Variants in WWOX observed in about 807,000 individuals in gnomAD.
WWOX encodes WW domain-containing oxidoreductase.
Under a neutral mutation model 46.2 loss-of-function variants are expected in WWOX, and 69 were observed. The ratio of observed to expected loss-of-function variants is 1.49; its 90% CI spans 1.23 to 1.82. The LOEUF (loss-of-function observed/expected upper bound fraction) is 1.82, where lower values mean the gene tolerates loss of function less well. WWOX is among the 40% of genes most tolerant of loss of function. The pLI is 0.00. For synonymous variants in WWOX, 359 were observed against 202.6 expected (o/e 1.77, Z -6.56); for missense variants, 919 against 542.6 (o/e 1.69, Z -6.89).
chr16:78,738,944 C>A (rs1248311914), intron 8 of WWOX, among the ~76,000 whole-genome samples: 1 of 152,146 alleles, frequency 6.6e-6, no homozygotes, highest in African/African-American at 2.4e-5. Context: ...CCCCTAAATG[C>A]AACTTCTCAT....
At chr16:78,844,243 G>A (rs2052238500) in intron 8 of WWOX, among the ~76,000 whole-genome samples, 1 of 152,108 alleles carries the variant, frequency 6.6e-6, no homozygotes, top group Non-Finnish European at 1.5e-5. Context: ...GCCCAAGAGA[G>A]GCCCTCTAAA....
chr16:78,740,603 C>T (rs559048978), intron 8 of WWOX, among the ~76,000 whole-genome samples: 2 of 152,204 alleles, frequency 1.3e-5, no homozygotes, highest in Admixed American at 6.5e-5. Flanking sequence ...AGGCATGGGG[C>T]GCCGTTTCAT....
intron 8 of WWOX, among the ~76,000 whole-genome samples, chr16:78,775,035 A>T (rs1010121271): frequency 1.4e-4 from 22 of 152,286 alleles, no homozygotes; most frequent in African/African-American, 5.1e-4. Context: ...GAGACATCAC[A>T]GCCCTCACTC....
At chr16:78,865,293 C>A (rs528665259) in intron 8 of WWOX, among the ~76,000 whole-genome samples, 1 of 152,004 alleles carries the variant, frequency 6.6e-6, no homozygotes, top group South Asian at 2.1e-4. Context: ...TTATTCCTTG[C>A]CAATCTCATA....
chr16:78,310,348 G>A (rs894723446), intron 5 of WWOX, among the ~76,000 whole-genome samples: 4 of 152,138 alleles, frequency 2.6e-5, no homozygotes, highest in African/African-American at 7.2e-5. Context: ...ACACATGCAC[G>A]CACACACAGC....
chr16:79,181,910 G>A (rs562500648), intron 8 of WWOX, among the ~76,000 whole-genome samples: 1 of 152,196 alleles, frequency 6.6e-6, no homozygotes. Context: ...ATAGAGCATT[G>A]TTATTAATAT....
At chr16:78,915,396 C>G (rs1311633332) in intron 8 of WWOX, among the ~76,000 whole-genome samples, 1 of 152,180 alleles carries the variant, frequency 6.6e-6, no homozygotes, top group East Asian at 1.9e-4. Context: ...ATCTAAATAG[C>G]TTAATTGTTA....
At chr16:79,041,356 CT>C (rs1401470588) in intron 8 of WWOX, among the ~76,000 whole-genome samples, 1 of 152,172 alleles carries the variant, frequency 6.6e-6, no homozygotes, top group Non-Finnish European at 1.5e-5. Context: ...TCTAGGAAGC[CT>C]TCCTTGCTGG....
chr16:78,198,285 C>G (rs939186576), intron 5 of WWOX, among the ~76,000 whole-genome samples: 2 of 152,138 alleles, frequency 1.3e-5, no homozygotes, highest in Middle Eastern at 6.8e-3. Context: ...GGATTCCTAC[C>G]AGAGGAATTA....
rs1445417152 is a variant in WWOX, at chr16:78,532,530, T to C, written c.1056+99778T>C. 2.6e-5 allele frequency among the ~76,000 whole-genome samples: 4 copies of C among 152,274 alleles called. No homozygotes were observed. The East Asian group carries it at 5.8e-4, about 22-fold the overall frequency. ...ACAGCAGGCATAGTTACTGGGTGAT[T>C]GAGAAGAGTTTAACAAAAGACTGTA... On this transcript the variant is annotated intron_variant, in intron 8 of 8. Coordinates refer to ENST00000566780, the MANE Select transcript of WWOX (RefSeq NM_016373.4).
chr16:78,258,045 G>T (rs1376890493), intron 5 of WWOX, among the ~76,000 whole-genome samples: 1 of 152,126 alleles, frequency 6.6e-6, no homozygotes, highest in Non-Finnish European at 1.5e-5. Flanking sequence ...AGGAAAATCT[G>T]TTAATTGTGT....
intron 8 of WWOX, among the ~76,000 whole-genome samples, chr16:78,538,048 CT>C (rs1294675806): frequency 6.6e-6 from 1 of 151,874 alleles, no homozygotes; most frequent in East Asian, 1.9e-4. Flanking sequence ...TGAACACTGT[CT>C]TTTTTCCAGC....
intron 2 of WWOX, among the ~76,000 whole-genome samples, chr16:78,108,824 C>A (rs1457874134): frequency 6.6e-6 from 1 of 152,190 alleles, no homozygotes; most frequent in East Asian, 1.9e-4. Flanking sequence ...CGCATCTCTT[C>A]TAAAAATACA....
At chr16:78,686,592 G>C (rs1449802090) in intron 8 of WWOX, among the ~76,000 whole-genome samples, 1 of 152,132 alleles carries the variant, frequency 6.6e-6, no homozygotes, top group African/African-American at 2.4e-5. Flanking sequence ...CTAAAGGGGA[G>C]TGGGCCCAGC....
intron 8 of WWOX, among the ~76,000 whole-genome samples, chr16:79,063,493 G>C (rs1369048543): frequency 1.3e-5 from 2 of 152,140 alleles, no homozygotes; most frequent in Non-Finnish European, 2.9e-5. Flanking sequence ...ACAAAAGCAA[G>C]AAATAAAACA....
At chr16:78,335,987 A>C (rs1235309488) in intron 5 of WWOX, among the ~76,000 whole-genome samples, 1 of 151,838 alleles carries the variant, frequency 6.6e-6, no homozygotes, top group East Asian at 1.9e-4. Flanking sequence ...AGCTATTTGG[A>C]AGGCTGGGGC....
intron 5 of WWOX, among the ~76,000 whole-genome samples, chr16:78,360,404 G>T (rs1489874112): frequency 1.3e-5 from 2 of 151,988 alleles, no homozygotes; most frequent in Non-Finnish European, 2.9e-5. Context: ...TGGTCAAATA[G>T]TGAAATCCTG....
Position 78,618,471 on chromosome 16 carries a change from C to A in WWOX, c.1056+185719C>A, listed in dbSNP as rs1016940479. On this transcript the variant is annotated intron_variant, in intron 8 of 8. Transcript: ENST00000566780. ...GTCTTCCCTCTGTGTGCGTTTGCAT[C>A]CTTATGGCCTCTTCTTGTGAGGGCA... Among the ~76,000 whole-genome samples the A allele has an allele frequency of 2.6e-5, 4 of 152,124 alleles. No individual in the cohort carries two copies. In the East Asian group the frequency reaches 5.8e-4, roughly 22 times the overall value.
At chr16:78,812,382 T>C (rs1382317713) in intron 8 of WWOX, among the ~76,000 whole-genome samples, 2 of 152,010 alleles carry the variant, frequency 1.3e-5, no homozygotes, top group Non-Finnish European at 2.9e-5. Context: ...TCTTGGGTAA[T>C]GTCAAACAAC....
Sources: gnomAD v4.1 joint callset for allele counts (sites outside exome capture counted in the v4.1 genomes callset) on GRCh38, gnomAD v4.1.1 for gene constraint, MANE v1.5 for transcripts, NCBI Gene and HGNC (gene_info 2026-07-23, HGNC 2026-07-21) for gene names.